The following LRMDA variants were observed in gnomAD, a reference collection of about 807,000 sequenced individuals.
The protein encoded by LRMDA is leucine rich melanocyte differentiation associated.
LRMDA carries 18 observed loss-of-function variants against 29.8 expected under a neutral mutation model. The ratio of observed to expected loss-of-function variants is 0.60; its 90% CI spans 0.42 to 0.90. The LOEUF (loss-of-function observed/expected upper bound fraction) is 0.90. Ranked by LOEUF, LRMDA falls within the 40% of genes least tolerant of loss-of-function variation. The pLI, the probability that LRMDA is intolerant of heterozygous loss-of-function variation, is 0.00. For synonymous variants in LRMDA, 125 were observed against 109.4 expected (o/e 1.14, Z -0.89); for missense variants, 273 against 273.9 (o/e 1.00, Z 0.02).
At chr10:75,531,913 G>A (rs1295297492) in intron 2 of LRMDA, among the ~76,000 whole-genome samples, 1 of 151,768 alleles carries the variant, frequency 6.6e-6, no homozygotes, top group Non-Finnish European at 1.5e-5. Flanking sequence ...AAAAAAATTG[G>A]TGTGCACCTG....
intron 2 of LRMDA, among the ~76,000 whole-genome samples, chr10:75,941,944 G>A (rs1328770013): frequency 1.3e-5 from 2 of 152,094 alleles, no homozygotes; most frequent in Non-Finnish European, 2.9e-5. Context: ...TGGTTGGGAG[G>A]TTTAAAATAT....
chr10:76,318,023 T>G (rs1198528215), intron 5 of LRMDA, among the ~76,000 whole-genome samples: 2 of 152,228 alleles, frequency 1.3e-5, no homozygotes, highest in Non-Finnish European at 2.9e-5. Context: ...TCCTTTGTAC[T>G]TACAGTTGTA....
intron 2 of LRMDA, among the ~76,000 whole-genome samples, chr10:75,805,930 T>A (rs1308826475): frequency 2.0e-5 from 3 of 152,144 alleles, no homozygotes; most frequent in African/African-American, 7.2e-5. Flanking sequence ...TACCTGAGAC[T>A]GGGTAACATA....
chr10:76,169,199 G>T (rs963538135), intron 5 of LRMDA, among the ~76,000 whole-genome samples: 1 of 152,086 alleles, frequency 6.6e-6, no homozygotes, highest in Non-Finnish European at 1.5e-5. Flanking sequence ...AGGATTCTTC[G>T]GCATAAAACT....
At chr10:75,705,400 TC>T (rs1331588816) in intron 2 of LRMDA, among the ~76,000 whole-genome samples, 6 of 152,212 alleles carry the variant, frequency 3.9e-5, no homozygotes, top group Admixed American at 3.9e-4. Context: ...GAAAAGCCTT[TC>T]TCCAATTTAA....
At chr10:76,294,087 C>T (rs1840383280) in intron 5 of LRMDA, among the ~76,000 whole-genome samples, 1 of 152,158 alleles carries the variant, frequency 6.6e-6, no homozygotes, top group South Asian at 2.1e-4. Context: ...CTGATATTGG[C>T]TGTGCTGATG....
chr10:76,326,827 T>C (rs1315694620), intron 6 of LRMDA, among the ~76,000 whole-genome samples: 2 of 152,234 alleles, frequency 1.3e-5, no homozygotes, highest in Non-Finnish European at 2.9e-5. Context: ...TCAGGAGACC[T>C]GGGACTCAAT....
chr10:76,500,691 G>A (rs72642266), intron 6 of LRMDA, among the ~76,000 whole-genome samples: 13,149 of 73,880 alleles, frequency 0.18, 4,826 homozygotes, highest in African/African-American at 0.36. Context: ...TGTGCCTTTA[G>A]TTTGCATTTC....
intron 2 of LRMDA, among the ~76,000 whole-genome samples, chr10:75,945,656 T>A (rs2132414199): frequency 6.6e-6 from 1 of 152,334 alleles, no homozygotes; most frequent in Non-Finnish European, 1.5e-5. Context: ...ACTCTATCAT[T>A]ACTGGAAGTT....
chr10:76,070,763 G>T (rs962525025), intron 5 of LRMDA, among the ~76,000 whole-genome samples: 1 of 152,154 alleles, frequency 6.6e-6, no homozygotes, highest in African/African-American at 2.4e-5. Context: ...TAAAAGAAAG[G>T]AATGTGAGAG....
At chr10:76,145,016 A>G (rs1471648032) in intron 5 of LRMDA, among the ~76,000 whole-genome samples, 2 of 152,096 alleles carry the variant, frequency 1.3e-5, no homozygotes, top group Non-Finnish European at 2.9e-5. Flanking sequence ...CATATGTTGA[A>G]CCAGCCTTGC....
At position 76,501,255 on chromosome 10, in the gene LRMDA, T is replaced by G. The variant is rs1261381321; in HGVS notation, c.602-55954T>G. Among the ~76,000 whole-genome samples the G allele has an allele frequency of 3.8e-4, 8 of 21,194 alleles. 3 individuals are homozygous for G. The highest frequency in any genetic ancestry group is 2.7e-3 in the Non-Finnish European group (7 of 2,552). 13.9% of individuals were successfully genotyped at this position (21,194 alleles called of 152,430 possible). A position where few individuals can be genotyped will look rare whatever the true frequency, so the allele number is the denominator to read the frequency against. ...TTCTAAGGTGAACATATACCACAGT[T>G]TCCTTATTCAGTCTACTACTGATGG... On this transcript the variant is annotated intron_variant, in intron 6 of 6. Transcript: ENST00000611255.
chr10:75,982,281 G>A (rs1179034214), intron 2 of LRMDA, among the ~76,000 whole-genome samples: 1 of 152,170 alleles, frequency 6.6e-6, no homozygotes, highest in Non-Finnish European at 1.5e-5. Flanking sequence ...TTTTCAGATT[G>A]CCTCTGTCTT....
At chr10:76,227,171 G>T (rs979726771) in intron 5 of LRMDA, among the ~76,000 whole-genome samples, 8 of 152,204 alleles carry the variant, frequency 5.3e-5, no homozygotes, top group Admixed American at 5.2e-4. Flanking sequence ...ATGGAAAAAA[G>T]GAATTTAGAA....
chr10:75,494,712 G>T (rs1234641847), intron 2 of LRMDA, among the ~76,000 whole-genome samples: 1 of 152,032 alleles, frequency 6.6e-6, no homozygotes. Flanking sequence ...TGTTGGCCAG[G>T]CTGGTCTTGA....
chr10:75,764,724 C>T (rs1372822164), intron 2 of LRMDA, among the ~76,000 whole-genome samples: 18 of 152,222 alleles, frequency 1.2e-4, no homozygotes, highest in Non-Finnish European at 2.6e-4. Flanking sequence ...TTTCTGCTAA[C>T]ACCACGAAGG....
chr10:76,301,562 C>T (rs1840480486), intron 5 of LRMDA, among the ~76,000 whole-genome samples: 1 of 152,134 alleles, frequency 6.6e-6, no homozygotes. Context: ...ATGAATTCAC[C>T]ACACAATGGC....
At chr10:75,801,208 G>C (rs1186068403) in intron 2 of LRMDA, among the ~76,000 whole-genome samples, 1 of 152,188 alleles carries the variant, frequency 6.6e-6, no homozygotes. Flanking sequence ...AGCATCTACT[G>C]TTCAGGGATA....
intron 6 of LRMDA, among the ~76,000 whole-genome samples, chr10:76,371,198 A>G (rs1841450121): frequency 6.6e-6 from 1 of 152,188 alleles, no homozygotes; most frequent in African/African-American, 2.4e-5. Flanking sequence ...AAGTGGGAAC[A>G]GTTATTGCTA....
Sources: allele counts gnomAD v4.1 joint callset (sites outside exome capture counted in the v4.1 genomes callset), GRCh38; gene constraint gnomAD v4.1.1; transcripts MANE v1.5; gene names NCBI Gene and HGNC (gene_info 2026-07-23, HGNC 2026-07-21).